Variants in LETMD1 observed in about 807,000 individuals in gnomAD.
LETMD1 encodes LETM1 domain containing 1.
A neutral mutation model predicts 43.9 loss-of-function variants in LETMD1; 30 were observed. The ratio of observed to expected loss-of-function variants is 0.68; its 90% CI spans 0.51 to 0.93. The LOEUF is 0.93. LETMD1 is among the 40% of genes least tolerant of loss of function. The pLI, the probability that LETMD1 is intolerant of heterozygous loss-of-function variation, is 0.00. For synonymous variants in LETMD1, 176 were observed against 163.1 expected, an observed-to-expected ratio of 1.08 and a Z score of -0.60; for missense variants, 413 against 447.7, an observed-to-expected ratio of 0.92 and a Z score of 0.70.
At chr12:51,067,688 A>T in the LETMD1 span, 1 of 1,613,712 alleles carries the variant, frequency 6.2e-7, no homozygotes. This position sits in a 1 kb window ranked among gnomAD's most constrained non-coding sequence, Gnocchi z 4.1. Flanking sequence ...ATTTAATCCC[A>T]GCCTGGCTGC....
At position 51,052,161 on chromosome 12, in the gene LETMD1, T is replaced by C; in HGVS notation, c.344T>C (p.Ile115Thr). The change falls in exon 3 of 9, where the codon ATA becomes ACA. Residue 115 changes from isoleucine to threonine, a missense_variant. Coordinates refer to ENST00000262055, the MANE Select transcript of LETMD1 (RefSeq NM_015416.5). ...AAGACAAATATGTGGAAGCACAATA[T>C]AAAGTTTCATCAACTTCCATACCGG... ...RIKTNMWKHN[I>T]KFHQLPYREM... The C allele has an allele frequency of 6.2e-7, 1 of 1,614,078 alleles. No individual in the cohort carries two copies. Among genetic ancestry groups the C allele is most frequent in the Non-Finnish European group, 8.5e-7 (1 of 1,179,902 alleles).
At chr12:51,068,335 A>T in the LETMD1 span, among the ~76,000 whole-genome samples, 3 of 152,060 alleles carry the variant, frequency 2.0e-5, no homozygotes, top group East Asian at 5.8e-4. Context: ...TATTTTCAGT[A>T]AAGACAGGGT....
chr12:51,052,157 A>G lies in LETMD1; in HGVS notation c.340A>G (p.Asn114Asp). The change falls in exon 3 of 9, where the codon AAT becomes GAT. Residue 114 changes from asparagine to aspartate, a missense_variant. Transcript: ENST00000262055. ...AATAAAGACAAATATGTGGAAGCAC[A>G]ATATAAAGTTTCATCAACTTCCATA... is the stretch of plus-strand genomic sequence containing the variant. The part of the protein sequence containing the change: ...RRIKTNMWKH[N>D]IKFHQLPYRE... 1.9e-6 allele frequency: 3 copies of G among 1,614,036 alleles called. No individual in the cohort carries two copies. Among genetic ancestry groups the G allele is most frequent in the Non-Finnish European group, 2.5e-6 (3 of 1,179,860 alleles).
At chr12:51,051,677 A>G (rs1251804484) in intron 2 of LETMD1, among the ~76,000 whole-genome samples, 1 of 152,180 alleles carries the variant, frequency 6.6e-6, no homozygotes, top group African/African-American at 2.4e-5. Flanking sequence ...ACTGCACTCC[A>G]GCCTGGGCAA....
At chr12:51,064,288 G>A (rs779718346), downstream of LETMD1, 1 of 1,613,048 alleles carries the variant, frequency 6.2e-7, no homozygotes, top group Non-Finnish European at 8.5e-7. Context: ...ACAGCCAGAG[G>A]CTCCTCTAGG....
At chr12:51,052,432 A>G (rs1481369042) in intron 3 of LETMD1, 10 of 494,606 alleles carry the variant, frequency 2.0e-5, no homozygotes, top group Non-Finnish European at 3.2e-5. Context: ...TTTCTGGCAC[A>G]CTTTCTGAAT....
At chr12:51,065,915 A>C in the LETMD1 span, among the ~76,000 whole-genome samples, 3 of 151,176 alleles carry the variant, frequency 2.0e-5, no homozygotes, top group African/African-American at 7.3e-5. Flanking sequence ...AAATCCAACC[A>C]CAAGGACTCA....
Position 51,052,090 on chromosome 12 carries a change from A to G in LETMD1, c.275-2A>G. 1 of 1,613,122 alleles carries G rather than the reference A, an allele frequency of 6.2e-7. No individual in the cohort carries two copies. Among genetic ancestry groups the G allele is most frequent in the Non-Finnish European group, 8.5e-7 (1 of 1,179,386 alleles). ...ACTCTGTCCTCTACTTTAATGAGGC[A>G]GGATTGCAGATGTTATGGGCTGATG... On this transcript the variant is annotated splice_acceptor_variant, in intron 2 of 8. Coordinates refer to ENST00000262055, the MANE Select transcript of LETMD1 (RefSeq NM_015416.5). LOFTEE classifies it high-confidence loss of function.
intron 3 of LETMD1, 134 bp from the exon 4 acceptor site, chr12:51,053,644 A>G (rs1329035422): frequency 1.5e-6 from 1 of 657,198 alleles, no homozygotes; most frequent in Non-Finnish European, 2.7e-6. Flanking sequence ...CTCCATCTCA[A>G]AAAGAAAAAG....
chr12:51,056,095 G>A (rs751354752), intron 5 of LETMD1, 49 bp from the exon 6 acceptor site: 15 of 1,605,280 alleles, frequency 9.3e-6, no homozygotes, highest in Admixed American at 1.7e-5. Flanking sequence ...TAGGTAAGAG[G>A]AGTAGTCAGG....
chr12:51,048,607 C>A, intron 1 of LETMD1, 129 bp downstream of exon 1: 1 of 1,246,170 alleles, frequency 8.0e-7, no homozygotes, highest in Non-Finnish European at 1.1e-6. Context: ...TTCTTCTGTT[C>A]AGGATTCAAA....
Position 51,052,212 on chromosome 12 carries a change from G to C in LETMD1, c.390+5G>C, listed in dbSNP as rs769731988. 10 of 1,613,664 alleles carry C rather than the reference G, an allele frequency of 6.2e-6. No homozygotes were observed. The Middle Eastern group carries it at 5.0e-4, about 80-fold the overall frequency. On this transcript the variant is annotated splice_donor_5th_base_variant and intron_variant, in intron 3 of 8. Transcript: ENST00000262055. ...GAGATGGAGCATTTGAGACAGGTAT[G>C]GGCCAGGGGCAGATATCCAGAAGTT...
chr12:51,064,233 T>C (rs372812295), downstream of LETMD1: 80 of 1,613,396 alleles, frequency 5.0e-5, no homozygotes, highest in Admixed American at 8.4e-5. Flanking sequence ...CAGCTGAGCC[T>C]GGATGAGAAT....
chr12:51,068,524 T>A, the LETMD1 span, among the ~76,000 whole-genome samples: 1 of 152,102 alleles, frequency 6.6e-6, no homozygotes, highest in African/African-American at 2.4e-5. Flanking sequence ...AAATCCAGAG[T>A]GGGAAGATGG....
At chr12:51,066,909 C>T in the LETMD1 span, among the ~76,000 whole-genome samples, 1 of 152,128 alleles carries the variant, frequency 6.6e-6, no homozygotes, top group Non-Finnish European at 1.5e-5. Flanking sequence ...TTACTGCAAC[C>T]TATGCCTCCC....
intron 4 of LETMD1, among the ~76,000 whole-genome samples, chr12:51,055,382 G>A (rs1425731291): frequency 2.6e-5 from 4 of 151,852 alleles, no homozygotes; most frequent in Admixed American, 6.6e-5. Context: ...TTAAGAGAAA[G>A]GGCTGACTGT....
In LETMD1 at chr12:51,058,020, T is replaced by G. The variant is rs1345868310; in HGVS notation, c.916-12T>G. 1 of 1,550,024 alleles carries G rather than the reference T, an allele frequency of 6.5e-7. No individual in the cohort carries two copies. The highest frequency in any genetic ancestry group is 8.9e-7 in the Non-Finnish European group (1 of 1,121,342). On this transcript the variant is annotated splice_polypyrimidine_tract_variant and intron_variant, in intron 7 of 8. Transcript: ENST00000262055. ...TGATTATTAAGGACCATTTCTGTTC[T>G]GAGTGGTATAGGCTTGTTATCTCCG...
downstream of LETMD1, chr12:51,063,884 G>A (rs368910530): frequency 3.9e-5 from 63 of 1,614,006 alleles, no homozygotes; most frequent in South Asian, 1.4e-4. Flanking sequence ...AAGGGTGGAA[G>A]TCTTCATTTT....
chr12:51,062,405 TGAAAG>T (rs1937668016), downstream of LETMD1: 1 of 152,206 alleles, frequency 6.6e-6, no homozygotes, highest in African/African-American at 2.4e-5. Flanking sequence ...ACTTTGCTAA[TGAAAG>T]GAAATCAGTG....
Sources: allele counts gnomAD v4.1 joint callset (sites outside exome capture counted in the v4.1 genomes callset), GRCh38; gene constraint gnomAD v4.1.1; non-coding constraint Gnocchi (gnomAD v3.1); transcripts MANE v1.5; gene names NCBI Gene and HGNC (gene_info 2026-07-23, HGNC 2026-07-21).